Variants in ZFHX3 observed in about 807,000 individuals in gnomAD.
ZFHX3 encodes the protein zinc finger homeobox 3.
Under a neutral mutation model 279.1 loss-of-function variants are expected in ZFHX3, and 42 were observed. That is an observed-to-expected ratio of 0.15 (90% CI 0.12 to 0.19). ZFHX3 has a LOEUF of 0.19. Among genes scored for constraint, ZFHX3 ranks in the 10% least tolerant of loss-of-function variants. ZFHX3 has a pLI of 1.00. For missense variants in ZFHX3, 4,981 were observed against 4,754.0 expected, an observed-to-expected ratio of 1.05 and a Z score of -1.40; for synonymous variants, 2,293 against 1,957.8, an observed-to-expected ratio of 1.17 and a Z score of -4.52.
At chr16:73,161,614 A>AT (rs1274532084) in intron 5 of ZFHX3, among the ~76,000 whole-genome samples, 2 of 152,156 alleles carry the variant, frequency 1.3e-5, no homozygotes, top group Admixed American at 6.5e-5. Context: ...GTATTCCTGC[A>AT]TTAGCATGAT....
Position 72,784,502 on chromosome 16 carries a change from T to A in ZFHX3, c.*2662A>T, listed in dbSNP as rs1400652024. ...AAACAAAAACAATTTTTTTTCTATA[T>A]GGTACAGACACAGAGTAACATACAA... On this transcript the variant is annotated 3_prime_UTR_variant, in exon 10 of 10. Transcript: ENST00000268489. 2.0e-5 allele frequency: 3 copies of A among 152,270 alleles called. No individual in the cohort carries two copies. Among genetic ancestry groups the A allele is most frequent in the Non-Finnish European group, 4.4e-5 (3 of 67,984 alleles). The allele number at this position is 152,270 out of a possible 1,614,324, so 9.4% of individuals were successfully genotyped here.
At position 72,851,289 on chromosome 16, in the gene ZFHX3, G is replaced by C. The variant is rs763594001; in HGVS notation, c.3449-21430C>G. Among the ~76,000 whole-genome samples the C allele has an allele frequency of 1.3e-5, 2 of 152,258 alleles. 1 individual carries two copies. The highest frequency in any genetic ancestry group is 2.9e-5 in the Non-Finnish European group (2 of 68,022). On this transcript the variant is annotated intron_variant, in intron 4 of 9. Transcript: ENST00000268489. ...GGAGGCCAAGACCTCTGCAATCCAC[G>C]AAGTGACTTTACATGAAACAGGATT...
intron 2 of ZFHX3, among the ~76,000 whole-genome samples, chr16:73,610,640 CTGAGT>C (rs1209887894): frequency 2.6e-5 from 4 of 152,136 alleles, no homozygotes; most frequent in Admixed American, 6.5e-5. Flanking sequence ...TCGAATGTTC[CTGAGT>C]TTAGAGTATG....
intron 1 of ZFHX3, among the ~76,000 whole-genome samples, chr16:73,728,593 G>A (rs2053541873): frequency 1.3e-5 from 2 of 152,034 alleles, no homozygotes; most frequent in Non-Finnish European, 2.9e-5. Context: ...AGTTACTGGT[G>A]GCCATGTTGT....
At chr16:73,429,696 A>G (rs557064934) in intron 3 of ZFHX3, among the ~76,000 whole-genome samples, 8 of 152,238 alleles carry the variant, frequency 5.3e-5, no homozygotes, top group Middle Eastern at 6.8e-3. Context: ...TTAAACGTTG[A>G]GAACTAATTA....
At position 72,958,511 on chromosome 16, in the gene ZFHX3, C is replaced by T. The variant is rs1228571370; in HGVS notation, c.1635G>A (p.Arg545=). The change falls in exon 2 of 10, where the codon AGG becomes AGA. Residue 545 remains arginine (R), a synonymous_variant. Transcript: ENST00000268489. ...AATTAGAACTAGTAGAAGCTGTGCC[C>T]CTCGACAGGGTCTGGAGCACGTTAG... is the stretch of plus-strand genomic sequence containing the variant. ...LMPNVLQTLS[R]GTASTSSNSA... 8.1e-6 allele frequency: 13 copies of T among 1,614,036 alleles called. No homozygotes were observed. Among genetic ancestry groups the T allele is most frequent in the Non-Finnish European group, 1.1e-5 (13 of 1,180,030 alleles).
chr16:73,346,777 T>C (rs1413468077), intron 3 of ZFHX3, among the ~76,000 whole-genome samples: 1 of 152,192 alleles, frequency 6.6e-6, no homozygotes, highest in East Asian at 1.9e-4. Context: ...CAGTCTGTCA[T>C]GCTCTTTGGA....
intron 1 of ZFHX3, among the ~76,000 whole-genome samples, chr16:73,747,916 A>G (rs988565671): frequency 6.6e-6 from 1 of 152,226 alleles, no homozygotes; most frequent in South Asian, 2.1e-4. Flanking sequence ...ATAATCTGGA[A>G]TCAAAGATCT....
In ZFHX3 at chr16:73,725,148, A is replaced by G. The variant is rs894012490; in HGVS notation, c.-1607-44908T>C. Among the ~76,000 whole-genome samples the G allele has an allele frequency of 2.6e-5, 4 of 152,256 alleles. No homozygotes were observed. The East Asian group carries it at 7.7e-4, about 29-fold the overall frequency. ...ATTAAATCTGACAAACATCTGGTCA[A>G]TCAAATTTACAGCAATACATAGGGT... On this transcript the variant is annotated intron_variant, in intron 1 of 17. Transcript: ENST00000641206.
chr16:73,642,610 T>C (rs1406265153), intron 2 of ZFHX3, among the ~76,000 whole-genome samples: 2 of 152,160 alleles, frequency 1.3e-5, no homozygotes, highest in South Asian at 2.1e-4. Context: ...CACACACCAC[T>C]GGTGTGTTCC....
intron 2 of ZFHX3, among the ~76,000 whole-genome samples, chr16:73,527,394 C>T (rs911733024): frequency 1.3e-5 from 2 of 152,140 alleles, no homozygotes; most frequent in Admixed American, 6.5e-5. Flanking sequence ...CACCTTCTGA[C>T]TAAATACTGT....
At position 72,876,903 on chromosome 16, in the gene ZFHX3, G is replaced by A. The variant is rs564323316; in HGVS notation, c.3448+12828C>T. On this transcript the variant is annotated intron_variant, in intron 4 of 9. Coordinates refer to ENST00000268489, the MANE Select transcript of ZFHX3 (RefSeq NM_006885.4). ...CTTCCCTCTGGGGGTCTTTCAACGT[G>A]AGCCTGACAATCCCAAGGGGAACAG... 2.0e-5 allele frequency among the ~76,000 whole-genome samples: 3 copies of A among 152,224 alleles called. No individual in the cohort carries two copies. In the South Asian group the frequency reaches 6.2e-4, roughly 32 times the overall value.
intron 7 of ZFHX3, among the ~76,000 whole-genome samples, chr16:73,110,745 G>A (rs1966362833): frequency 6.6e-6 from 1 of 152,022 alleles, no homozygotes; most frequent in South Asian, 2.1e-4. Context: ...TTAATTTTTT[G>A]TAGAGATAGG....
At position 73,394,188 on chromosome 16, in the gene ZFHX3, C is replaced by T. The variant is rs547912300; in HGVS notation, c.-1291+61815G>A. Reference sequence around the variant, plus strand: ...TGTCTCAACCTTCTAACAGATAAAACGTCGAATAAGGCAGGTTAAGAGCGT... The same window carrying T: ...TGTCTCAACCTTCTAACAGATAAAATGTCGAATAAGGCAGGTTAAGAGCGT... On this transcript the variant is annotated intron_variant, in intron 3 of 17. Coordinates refer to the ZFHX3 transcript ENST00000641206. Among the ~76,000 whole-genome samples the T allele has an allele frequency of 1.4e-4, 21 of 149,708 alleles. No individual in the cohort carries two copies. The East Asian group carries it at 1.9e-3, about 14-fold the overall frequency.
At chr16:72,929,147 A>G (rs1033115805) in intron 3 of ZFHX3, among the ~76,000 whole-genome samples, 1 of 152,080 alleles carries the variant, frequency 6.6e-6, no homozygotes, top group Non-Finnish European at 1.5e-5. Flanking sequence ...CTGAGGCAGA[A>G]AAATTTCTTG....
chr16:73,839,137 A>G (rs551225666), intron 1 of ZFHX3, among the ~76,000 whole-genome samples: 4 of 151,876 alleles, frequency 2.6e-5, no homozygotes, highest in Non-Finnish European at 4.4e-5. Flanking sequence ...GAAAGCAGAA[A>G]AAAGTTAGGT....
At chr16:72,834,935 C>T (rs1213853977) in intron 4 of ZFHX3, among the ~76,000 whole-genome samples, 2 of 152,190 alleles carry the variant, frequency 1.3e-5, no homozygotes, top group Admixed American at 6.5e-5. Flanking sequence ...ACTAGTCCCT[C>T]TGTTCCTAAC....
intron 1 of ZFHX3, among the ~76,000 whole-genome samples, chr16:73,759,645 T>A (rs2053843248): frequency 6.6e-6 from 1 of 152,272 alleles, no homozygotes; most frequent in African/African-American, 2.4e-5. Flanking sequence ...CTCATTCAAG[T>A]CTTCTAAATT....
chr16:73,028,308 G>A (rs144873438), intron 1 of ZFHX3, among the ~76,000 whole-genome samples: 20 of 152,264 alleles, frequency 1.3e-4, no homozygotes, highest in East Asian at 9.7e-4. Context: ...TCAGTCCACC[G>A]GGAGGTGGAA....
Sources: gnomAD v4.1 joint callset for allele counts (sites outside exome capture counted in the v4.1 genomes callset) on GRCh38, gnomAD v4.1.1 for gene constraint, MANE v1.5 for transcripts, NCBI Gene and HGNC (gene_info 2026-07-23, HGNC 2026-07-21) for gene names.